Variants in COL15A1 observed in about 807,000 individuals in gnomAD.
COL15A1 encodes the protein collagen type XV alpha 1 chain, also known as collagen alpha-1(XV) chain.
A neutral mutation model predicts 165.9 loss-of-function variants in COL15A1; 111 were observed. The observed-to-expected ratio is 0.67, with a 90% confidence interval of 0.57 to 0.78. The LOEUF (loss-of-function observed/expected upper bound fraction) is 0.78. Ranked by LOEUF, COL15A1 falls within the 30% of genes least tolerant of loss-of-function variation. COL15A1 has a pLI of 0.00. For missense variants in COL15A1, 1,745 were observed against 1,789.7 expected, an observed-to-expected ratio of 0.98 and a Z score of 0.45; for synonymous variants, 659 against 674.8, an observed-to-expected ratio of 0.98 and a Z score of 0.36.
chr9:99,016,036 G>C lies in COL15A1; in HGVS notation c.1564G>C (p.Gly522Arg). ...AACAGAGGAGCCCCTCATCACAGCT[G>C]GGGGTGAAGAGTCCGGCAGCCCTCC... is the stretch of plus-strand genomic sequence containing the variant. ...ATTEEPLITAGGEESGSPPPD... is the reference protein window; with the variant it reads ...ATTEEPLITARGEESGSPPPD... Residue 522 changes from glycine to arginine, a missense_variant, in exon 11 of 42, where the codon GGG becomes CGG. Gly to Arg is a moderately radical substitution (Grantham distance 125). Coordinates refer to ENST00000375001, the MANE Select transcript of COL15A1 (RefSeq NM_001855.5). 1.9e-6 allele frequency: 3 copies of C among 1,614,052 alleles called. No homozygotes were observed. The highest frequency in any genetic ancestry group is 2.5e-6 in the Non-Finnish European group (3 of 1,179,920).
intron 6 of COL15A1, among the ~76,000 whole-genome samples, chr9:99,000,324 A>G (rs59112541): frequency 0.22 from 32,694 of 151,932 alleles, 4,007 homozygotes; most frequent in African/African-American, 0.34. Flanking sequence ...ACATACATAT[A>G]CATATACATA....
Position 99,035,060 on chromosome 9 carries a change from G to C in COL15A1, c.2126G>C (p.Gly709Ala), listed in dbSNP as rs1293368143. ...RGLPGPPGKK[G>A]QAGPPGVMGP... ...TTACCTGGACCCCCGGGGAAAAAGG[G>C]ACAAGCTGGCCCTCCTGGGGTCATG... The change falls in exon 18 of 42, where the codon GGA (glycine) becomes GCA (alanine). Residue 709 changes from glycine to alanine, a missense_variant. Gly to Ala is a moderately conservative substitution (Grantham distance 60). Transcript: ENST00000375001. 6.2e-7 allele frequency: 1 copy of C among 1,612,636 alleles called. No individual in the cohort carries two copies. Among genetic ancestry groups the C allele is most frequent in the South Asian group, 1.1e-5 (1 of 91,068 alleles).
chr9:99,015,340 C>A, intron 9 of COL15A1, 77 bp from the exon 10 acceptor site: 1 of 973,624 alleles, frequency 1.0e-6, no homozygotes. Flanking sequence ...TTAGCGCTTT[C>A]CACCCCCCAG....
intron 22 of COL15A1, among the ~76,000 whole-genome samples, chr9:99,039,400 T>C (rs1839361148): frequency 6.6e-6 from 1 of 152,100 alleles, no homozygotes; most frequent in South Asian, 2.1e-4. Flanking sequence ...TCCTAGCTAC[T>C]TGGGAGGCTG....
At chr9:98,955,258 C>G (rs1013739970) in intron 2 of COL15A1, among the ~76,000 whole-genome samples, 2 of 152,186 alleles carry the variant, frequency 1.3e-5, no homozygotes, top group African/African-American at 4.8e-5. Flanking sequence ...GAGAGGGACT[C>G]CTTGTCTTCC....
At chr9:99,012,612 T>A (rs1196171909) in intron 9 of COL15A1, among the ~76,000 whole-genome samples, 1 of 152,158 alleles carries the variant, frequency 6.6e-6, no homozygotes, top group Non-Finnish European at 1.5e-5. Context: ...CAAAAATACT[T>A]GCAAGAAGAG....
At chr9:99,038,772 C>G (rs199801432) in intron 22 of COL15A1, 39 bp downstream of exon 22, 345 of 1,269,262 alleles carry the variant, frequency 2.7e-4, no homozygotes, top group Admixed American at 4.6e-4. Flanking sequence ...GGCTTTTACC[C>G]AGACGCCCCT....
intron 5 of COL15A1, among the ~76,000 whole-genome samples, chr9:98,990,597 C>T (rs1838402837): frequency 6.6e-6 from 1 of 152,214 alleles, no homozygotes; most frequent in South Asian, 2.1e-4. Context: ...CCAACTCAGG[C>T]AAAGGTGCCA....
At chr9:98,982,649 C>CT (rs895866749) in intron 2 of COL15A1, among the ~76,000 whole-genome samples, 22 of 144,876 alleles carry the variant, frequency 1.5e-4, no homozygotes, top group East Asian at 4.1e-4. Flanking sequence ...TGCCTTTTTT[C>CT]TTTTTTTTTT....
chr9:98,977,768 G>T (rs1162180850), intron 2 of COL15A1, among the ~76,000 whole-genome samples: 2 of 152,236 alleles, frequency 1.3e-5, no homozygotes, highest in Non-Finnish European at 2.9e-5. Flanking sequence ...GCAGACTTTG[G>T]TTTTTGTTAA....
chr9:98,974,703 A>G (rs903267371), intron 2 of COL15A1, among the ~76,000 whole-genome samples: 1 of 152,168 alleles, frequency 6.6e-6, no homozygotes, highest in African/African-American at 2.4e-5. Context: ...GCCCCAGGCC[A>G]CAGGCAGTAT....
intron 36 of COL15A1, among the ~76,000 whole-genome samples, chr9:99,061,392 A>G (rs1173749535): frequency 1.3e-5 from 2 of 152,230 alleles, no homozygotes; most frequent in Admixed American, 6.5e-5. Flanking sequence ...AGATATGCCA[A>G]ATGGCTGTCT....
In COL15A1 at chr9:99,047,835, G is replaced by A. The variant is rs138040776; in HGVS notation, c.2729G>A (p.Arg910Gln). 2.2e-5 allele frequency: 35 copies of A among 1,613,968 alleles called. No homozygotes were observed. Among genetic ancestry groups the A allele is most frequent in the Admixed American group, 1.3e-4 (8 of 60,014 alleles). The change falls in exon 27 of 42, where the codon CGA becomes CAA. Residue 910 changes from arginine to glutamine, a missense_variant. Arg to Gln is a conservative substitution (Grantham distance 43). Coordinates refer to ENST00000375001, the MANE Select transcript of COL15A1 (RefSeq NM_001855.5). ...GHKGEFGLPG[R>Q]PGRPGLNGLK... The stretch of plus-strand genomic sequence containing the variant: ...AAAGGAGAATTTGGCCTTCCCGGGC[G>A]ACCTGTAGGTATCAGTGTTCATTGG...
At chr9:98,988,890 T>A (rs1838364525) in intron 4 of COL15A1, among the ~76,000 whole-genome samples, 1 of 151,866 alleles carries the variant, frequency 6.6e-6, no homozygotes. Flanking sequence ...ACCACTGCAC[T>A]CCAGCATGGG....
In COL15A1 at chr9:98,950,377, A is replaced by C. The variant is rs572966617; in HGVS notation, c.100+6127A>C. Reference sequence around the variant, plus strand: ...CAGTTTTTAAAATTATAGCCATTTTAGTGGATATAAAATGGCATCTCATTG... The same window carrying C: ...CAGTTTTTAAAATTATAGCCATTTTCGTGGATATAAAATGGCATCTCATTG... On this transcript the variant is annotated intron_variant, in intron 2 of 41. Coordinates refer to ENST00000375001, the MANE Select transcript of COL15A1 (RefSeq NM_001855.5). Among the ~76,000 whole-genome samples, 6 of 152,320 alleles carry C rather than the reference A, an allele frequency of 3.9e-5. No homozygotes were observed. The South Asian group carries it at 1.2e-3, about 32-fold the overall frequency.
chr9:99,041,090 GCAGGAGAGCCTC>G (rs1379611817), intron 23 of COL15A1: 1 of 156,584 alleles, frequency 6.4e-6, no homozygotes, highest in Non-Finnish European at 1.4e-5. Flanking sequence ...CCCAGGCTCT[GCAGGAGAGCCTC>G]CAGGACCTCC....
intron 16 of COL15A1, among the ~76,000 whole-genome samples, chr9:99,033,071 A>G (rs1197397691): frequency 6.6e-6 from 1 of 152,074 alleles, no homozygotes. Flanking sequence ...CTTGCCTCAG[A>G]TGTTTGTGTT....
At chr9:99,063,618 C>A (rs1825851544) in intron 39 of COL15A1, among the ~76,000 whole-genome samples, 1 of 152,120 alleles carries the variant, frequency 6.6e-6, no homozygotes. Context: ...GGGTTTAAAG[C>A]AGGAAACAGG....
At chr9:99,069,286 A>G (rs190995177) in intron 41 of COL15A1, among the ~76,000 whole-genome samples, 3 of 152,286 alleles carry the variant, frequency 2.0e-5, no homozygotes, top group African/African-American at 7.2e-5. Context: ...ACCATAGGAT[A>G]TACAGGATAT....
Sources: gnomAD v4.1 joint callset for allele counts (sites outside exome capture counted in the v4.1 genomes callset) on GRCh38, gnomAD v4.1.1 for gene constraint, MANE v1.5 for transcripts, NCBI Gene and HGNC (gene_info 2026-07-23, HGNC 2026-07-21) for gene names.